Variants in GALNTL6 observed in about 807,000 individuals in gnomAD.
GALNTL6 encodes the protein polypeptide N-acetylgalactosaminyltransferase-like 6.
In GALNTL6, 46 loss-of-function variants were observed where a neutral mutation model predicts 73.7. That is an observed-to-expected ratio of 0.62 (90% CI 0.49 to 0.80). GALNTL6 has a LOEUF of 0.80. GALNTL6 is among the 30% of genes least tolerant of loss of function. The pLI is 0.00. For synonymous variants in GALNTL6, 259 were observed against 263.7 expected (o/e 0.98, Z 0.17); for missense variants, 604 against 755.0 (o/e 0.80, Z 2.34).
intron 5 of GALNTL6, among the ~76,000 whole-genome samples, chr4:172,591,966 C>G (rs139931646): frequency 1.2e-3 from 178 of 152,300 alleles, no homozygotes; most frequent in African/African-American, 3.7e-3. Context: ...TTAGCATAGA[C>G]CACTAAGAGT....
chr4:172,371,412 G>A (rs1742804867), intron 5 of GALNTL6, among the ~76,000 whole-genome samples: 1 of 152,230 alleles, frequency 6.6e-6, no homozygotes, highest in Non-Finnish European at 1.5e-5. Context: ...CAACAAGGTG[G>A]TATTGTAGTG....
At chr4:172,347,377 TTTAA>T (rs1741785961) in intron 4 of GALNTL6, among the ~76,000 whole-genome samples, 1 of 152,212 alleles carries the variant, frequency 6.6e-6, no homozygotes. Context: ...TGTCCTAATG[TTTAA>T]AAAACAATTG....
chr4:172,370,792 G>T (rs1207127428), intron 5 of GALNTL6, among the ~76,000 whole-genome samples: 1 of 152,100 alleles, frequency 6.6e-6, no homozygotes, highest in Non-Finnish European at 1.5e-5. Flanking sequence ...CAGCAGGGGG[G>T]AGGTCTAGAC....
intron 7 of GALNTL6, among the ~76,000 whole-genome samples, chr4:172,855,801 C>T (rs781269136): frequency 1.9e-4 from 29 of 152,222 alleles, no homozygotes; most frequent in Admixed American, 6.5e-4. Flanking sequence ...CTGTTGCACC[C>T]TGGAGCTTGA....
At chr4:172,582,168 A>C (rs563132116) in intron 5 of GALNTL6, among the ~76,000 whole-genome samples, 1 of 152,338 alleles carries the variant, frequency 6.6e-6, no homozygotes, top group African/African-American at 2.4e-5. Flanking sequence ...TGACAACACA[A>C]GGTAAGCATC....
chr4:172,332,358 A>G (rs535277596), intron 4 of GALNTL6, among the ~76,000 whole-genome samples: 3 of 152,240 alleles, frequency 2.0e-5, no homozygotes, highest in African/African-American at 7.2e-5. Flanking sequence ...TTTTAAGCAT[A>G]GGCACCCTAC....
chr4:172,713,965 C>T (rs1159665907), intron 5 of GALNTL6, among the ~76,000 whole-genome samples: 1 of 152,006 alleles, frequency 6.6e-6, no homozygotes, highest in African/African-American at 2.4e-5. Flanking sequence ...ACCTGTAATC[C>T]CAGCACTTTG....
intron 3 of GALNTL6, among the ~76,000 whole-genome samples, chr4:172,274,587 A>G (rs1738765469): frequency 6.6e-6 from 1 of 152,132 alleles, no homozygotes; most frequent in African/African-American, 2.4e-5. Context: ...ATCTCCTCCA[A>G]GCCCTCATGG....
chr4:172,527,498 A>T (rs1158259284), intron 5 of GALNTL6, among the ~76,000 whole-genome samples: 1 of 152,220 alleles, frequency 6.6e-6, no homozygotes, highest in African/African-American at 2.4e-5. Flanking sequence ...GTGAATGGCG[A>T]TATCTTCATG....
rs116612725 is a variant in GALNTL6, at chr4:172,762,525, T to C, written c.554-46836T>C. Among the ~76,000 whole-genome samples, 359 of 152,224 alleles carry C rather than the reference T, an allele frequency of 2.4e-3. 2 individuals are homozygous for C. Among genetic ancestry groups the C allele is most frequent in the African/African-American group, 7.9e-3 (330 of 41,546 alleles). On this transcript the variant is annotated intron_variant, in intron 5 of 12. Transcript: ENST00000506823. ...AAATCCCCAGGCTCTGTCTTTACCT[T>C]TTCTAGTCTGTTTTCTCCATGTCTC...
intron 2 of GALNTL6, among the ~76,000 whole-genome samples, chr4:171,911,365 G>A (rs1054637528): frequency 4.6e-4 from 70 of 152,144 alleles, no homozygotes; most frequent in Admixed American, 6.5e-4. Context: ...CAAGCATGTT[G>A]CTCAGGCTGG....
At chr4:172,105,199 C>G (rs1485047093) in intron 2 of GALNTL6, among the ~76,000 whole-genome samples, 3 of 151,772 alleles carry the variant, frequency 2.0e-5, no homozygotes, top group East Asian at 1.9e-4. Context: ...AAAATATGAT[C>G]TTTAAAATAA....
chr4:171,870,843 A>G (rs1296200161), intron 2 of GALNTL6, among the ~76,000 whole-genome samples: 1 of 152,146 alleles, frequency 6.6e-6, no homozygotes, highest in African/African-American at 2.4e-5. Context: ...GAGGCTTGGA[A>G]CACATCTTCT....
intron 5 of GALNTL6, among the ~76,000 whole-genome samples, chr4:172,713,203 A>G (rs1200889401): frequency 6.6e-6 from 1 of 151,560 alleles, no homozygotes; most frequent in Non-Finnish European, 1.5e-5. Context: ...AAAGAATAAG[A>G]GAACAACAAA....
At chr4:172,630,111 T>C (rs555658778) in intron 5 of GALNTL6, among the ~76,000 whole-genome samples, 2 of 152,304 alleles carry the variant, frequency 1.3e-5, no homozygotes, top group African/African-American at 4.8e-5. Context: ...AAGTTGTTTT[T>C]CTTTTTTCAA....
At position 172,989,164 on chromosome 4, in the gene GALNTL6, T is replaced by C. The variant is rs143310050; in HGVS notation, c.1372-20014T>C. Among the ~76,000 whole-genome samples, 1,336 of 152,258 alleles carry C rather than the reference T, an allele frequency of 8.8e-3. 21 individuals are homozygous for C. The highest frequency in any genetic ancestry group is 0.03 in the African/African-American group (1,267 of 41,562). On this transcript the variant is annotated intron_variant, in intron 10 of 12. Coordinates refer to ENST00000506823, the MANE Select transcript of GALNTL6 (RefSeq NM_001034845.3). ...GCTGCAGGCACTCAATTCCAACCTA[T>C]GAAATCAACCAAGGAGGCTATATCT... is the stretch of plus-strand genomic sequence containing the variant.
intron 5 of GALNTL6, among the ~76,000 whole-genome samples, chr4:172,617,493 T>C (rs1161891884): frequency 6.6e-6 from 1 of 152,058 alleles, no homozygotes; most frequent in East Asian, 1.9e-4. Context: ...TTTTATTTTT[T>C]TGAGACCGAT....
intron 2 of GALNTL6, among the ~76,000 whole-genome samples, chr4:171,980,593 T>C (rs984761029): frequency 6.6e-6 from 1 of 152,088 alleles, no homozygotes; most frequent in Non-Finnish European, 1.5e-5. Flanking sequence ...GACATACAAA[T>C]TATAAAAGTA....
intron 5 of GALNTL6, among the ~76,000 whole-genome samples, chr4:172,537,446 C>T (rs1307483458): frequency 1.3e-5 from 2 of 152,208 alleles, no homozygotes; most frequent in Non-Finnish European, 2.9e-5. Context: ...GTGTGCACTT[C>T]TCTCTTGCCT....
Sources: allele counts gnomAD v4.1 joint callset (sites outside exome capture counted in the v4.1 genomes callset), GRCh38; gene constraint gnomAD v4.1.1; transcripts MANE v1.5; gene names NCBI Gene and HGNC (gene_info 2026-07-23, HGNC 2026-07-21).